Variants in ZNF469 observed in about 807,000 individuals in gnomAD.
The protein encoded by ZNF469 is zinc finger protein 469.
Under a neutral mutation model 1.0 loss-of-function variants are expected in ZNF469, and 1 was observed. The ratio of observed to expected loss-of-function variants is 1.00; its 90% confidence interval spans 0.35 to 4.73. ZNF469 has a LOEUF of 4.73. Ranked by LOEUF, ZNF469 falls within the 30% of genes most tolerant of loss-of-function variation. ZNF469 has a pLI of 0.16. For synonymous variants in ZNF469, 2,703 were observed against 2,363.4 expected (o/e 1.14, Z -4.17); for missense variants, 6,100 against 5,356.3 (o/e 1.14, Z -4.33).
At chr16:88,223,488 G>T in the ZNF469 span, among the ~76,000 whole-genome samples, 23 of 152,144 alleles carry the variant, frequency 1.5e-4, no homozygotes, top group Admixed American at 1.4e-3. Context: ...ACACCATGTG[G>T]GGTGTTTGCA....
chr16:88,166,801 A>AC, the ZNF469 span, among the ~76,000 whole-genome samples: 5 of 151,318 alleles, frequency 3.3e-5, no homozygotes, highest in South Asian at 2.1e-4. This position sits in a 1 kb window ranked among gnomAD's most constrained non-coding sequence, Gnocchi z 4.5. Flanking sequence ...ACACACACAC[A>AC]AATACATATA....
the ZNF469 span, among the ~76,000 whole-genome samples, chr16:88,226,966 GCC>G: frequency 7.9e-5 from 12 of 151,910 alleles, no homozygotes; most frequent in Admixed American, 2.0e-4. Flanking sequence ...TTCCACCCGT[GCC>G]TCCTCCGCGC....
At chr16:88,376,965 C>G in the ZNF469 span, among the ~76,000 whole-genome samples, 1 of 152,252 alleles carries the variant, frequency 6.6e-6, no homozygotes, top group East Asian at 1.9e-4. Context: ...GAGGACGGCT[C>G]TGCCCGCTCA....
the ZNF469 span, among the ~76,000 whole-genome samples, chr16:88,211,040 G>A: frequency 6.6e-6 from 1 of 152,276 alleles, no homozygotes; most frequent in Admixed American, 6.5e-5. Context: ...AGGAACAGGA[G>A]ATGCCTTCTC....
chr16:88,230,940 GC>G, the ZNF469 span, among the ~76,000 whole-genome samples: 1 of 152,150 alleles, frequency 6.6e-6, no homozygotes, highest in South Asian at 2.1e-4. Context: ...GGTGCCATGG[GC>G]CAGAGCCTTT....
intron 1 of ZNF469, among the ~76,000 whole-genome samples, chr16:88,419,141 T>C (rs886658610): frequency 6.6e-6 from 1 of 152,148 alleles, no homozygotes; most frequent in Non-Finnish European, 1.5e-5. Flanking sequence ...TGCCCAGCGG[T>C]GCTGGCACAC....
At chr16:88,120,366 CA>C in the ZNF469 span, among the ~76,000 whole-genome samples, 3 of 152,264 alleles carry the variant, frequency 2.0e-5, no homozygotes, top group African/African-American at 7.2e-5. Flanking sequence ...CTAATTCCTC[CA>C]TCGGAGCTTG....
the ZNF469 span, among the ~76,000 whole-genome samples, chr16:88,111,964 T>A: frequency 2.0e-5 from 3 of 152,182 alleles, no homozygotes; most frequent in African/African-American, 7.2e-5. Context: ...TTCCATCCCT[T>A]GATTATTTCA....
the ZNF469 span, among the ~76,000 whole-genome samples, chr16:88,133,479 C>G: frequency 1.3e-5 from 2 of 152,250 alleles, no homozygotes; most frequent in South Asian, 4.1e-4. Flanking sequence ...TGAGTCCAGG[C>G]CTGACGCGGA....
the ZNF469 span, among the ~76,000 whole-genome samples, chr16:88,104,040 C>T: frequency 1.3e-5 from 2 of 151,962 alleles, no homozygotes; most frequent in African/African-American, 4.8e-5. Context: ...CTGCTGTGCC[C>T]CAGGTGGTTC....
intron 1 of ZNF469, among the ~76,000 whole-genome samples, chr16:88,423,108 G>GTGGA (rs1181833371): frequency 4.5e-3 from 52 of 11,640 alleles, no homozygotes; most frequent in Admixed American, 0.032. Flanking sequence ...GGATGGATGG[G>GTGGA]TGGATGGATG....
chr16:88,400,079 G>A (rs1181974335), intron 1 of ZNF469, among the ~76,000 whole-genome samples: 1 of 152,240 alleles, frequency 6.6e-6, no homozygotes, highest in African/African-American at 2.4e-5. Flanking sequence ...GGTGAAGGGA[G>A]GCAGTGTCCG....
chr16:88,328,951 G>A, the ZNF469 span, among the ~76,000 whole-genome samples: 1 of 152,168 alleles, frequency 6.6e-6, no homozygotes, highest in Non-Finnish European at 1.5e-5. Flanking sequence ...CAGCAAGAAG[G>A]GTCAGGGCCC....
At chr16:88,346,341 A>G in the ZNF469 span, among the ~76,000 whole-genome samples, 1 of 152,120 alleles carries the variant, frequency 6.6e-6, no homozygotes, top group African/African-American at 2.4e-5. Context: ...ACGCTTGTCC[A>G]CTAATCACCA....
the ZNF469 span, among the ~76,000 whole-genome samples, chr16:88,103,670 G>T: frequency 6.6e-5 from 10 of 152,292 alleles, no homozygotes; most frequent in East Asian, 1.4e-3. Flanking sequence ...GGCTGGGTGG[G>T]GGCGGTAGAA....
intron 2 of ZNF469, among the ~76,000 whole-genome samples, chr16:88,426,452 G>A (rs1905705451): frequency 6.6e-6 from 1 of 152,280 alleles, no homozygotes; most frequent in Non-Finnish European, 1.5e-5. Context: ...CCGCACAGAG[G>A]ACAGTCCCGT....
chr16:88,350,342 A>G, the ZNF469 span, among the ~76,000 whole-genome samples: 1 of 152,224 alleles, frequency 6.6e-6, no homozygotes, highest in African/African-American at 2.4e-5. Context: ...CACAGGCTCC[A>G]GCACAAGCGC....
the ZNF469 span, among the ~76,000 whole-genome samples, chr16:88,180,425 T>C: frequency 6.6e-6 from 1 of 152,176 alleles, no homozygotes; most frequent in East Asian, 1.9e-4. Context: ...ATAAAATAGA[T>C]ATCCGAACAA....
chr16:88,211,614 C>G, the ZNF469 span, among the ~76,000 whole-genome samples: 2 of 152,092 alleles, frequency 1.3e-5, no homozygotes, highest in South Asian at 4.2e-4. Flanking sequence ...ATGGGCAATT[C>G]ACTTAGCTGA....
Sources: allele counts gnomAD v4.1 joint callset (sites outside exome capture counted in the v4.1 genomes callset), GRCh38; gene constraint gnomAD v4.1.1; non-coding constraint Gnocchi (gnomAD v3.1); transcripts MANE v1.5; gene names NCBI Gene and HGNC (gene_info 2026-07-23, HGNC 2026-07-21).